SLAMF9: variants seen among roughly 807,000 people sequenced by gnomAD.
SLAMF9 encodes the protein CD2 family member 10.
In SLAMF9, 25 loss-of-function variants were observed where a neutral mutation model predicts 30.4. The ratio of observed to expected loss-of-function variants is 0.82; its 90% CI spans 0.60 to 1.15. The LOEUF (loss-of-function observed/expected upper bound fraction) is 1.15. Among genes scored for constraint, SLAMF9 ranks in the 50% most tolerant of loss-of-function variants. The pLI, the probability that SLAMF9 is intolerant of heterozygous loss-of-function variation, is 0.00. For missense variants in SLAMF9, 344 were observed against 346.1 expected, an observed-to-expected ratio of 0.99 and a Z score of 0.05; for synonymous variants, 129 against 127.2, an observed-to-expected ratio of 1.01 and a Z score of -0.09.
chr1:159,955,573 T>C (rs188227393), upstream of SLAMF9, among the ~76,000 whole-genome samples: 7 of 152,346 alleles, frequency 4.6e-5, no homozygotes, highest in African/African-American at 9.6e-5. Flanking sequence ...GCTTCTATGG[T>C]CCATACACTG....
the SLAMF9 span, among the ~76,000 whole-genome samples, chr1:159,969,149 C>A: frequency 3.3e-5 from 5 of 152,044 alleles, no homozygotes; most frequent in Admixed American, 2.0e-4. Context: ...CAAGGAGCAA[C>A]CACTCCAACA....
At chr1:159,964,532 T>A in the SLAMF9 span, among the ~76,000 whole-genome samples, 4 of 152,104 alleles carry the variant, frequency 2.6e-5, no homozygotes, top group Admixed American at 2.6e-4. Context: ...AATGGTGTGC[T>A]CTCGCTAAAA....
the SLAMF9 span, chr1:159,973,187 G>C: frequency 1.3e-6 from 2 of 1,502,204 alleles, no homozygotes; most frequent in Admixed American, 1.7e-5. Context: ...CTGACCTCAG[G>C]GGGTGCAGCT....
chr1:159,963,168 C>T, the SLAMF9 span, among the ~76,000 whole-genome samples: 10 of 152,110 alleles, frequency 6.6e-5, no homozygotes, highest in African/African-American at 2.2e-4. Flanking sequence ...AGAAAGCATT[C>T]GGCATGGAGT....
chr1:159,967,626 AT>A, the SLAMF9 span, among the ~76,000 whole-genome samples: 1 of 152,030 alleles, frequency 6.6e-6, no homozygotes, highest in South Asian at 2.1e-4. Flanking sequence ...TTGTTTTTCT[AT>A]TTCGCGAAGA....
At chr1:159,970,072 A>G in the SLAMF9 span, among the ~76,000 whole-genome samples, 1 of 152,178 alleles carries the variant, frequency 6.6e-6, no homozygotes, top group African/African-American at 2.4e-5. Flanking sequence ...AAATAAATAA[A>G]TAGATAAATA....
chr1:159,976,912 A>AACAG, the SLAMF9 span: 873 of 59,442 alleles, frequency 0.015, 21 homozygotes, highest in African/African-American at 0.05. Flanking sequence ...AGGAAAGAAA[A>AACAG]AAAGAAAGAA....
At chr1:159,969,436 C>T in the SLAMF9 span, among the ~76,000 whole-genome samples, 1 of 152,130 alleles carries the variant, frequency 6.6e-6, no homozygotes, top group African/African-American at 2.4e-5. Context: ...ACAAGAAACT[C>T]AATATGATAA....
At chr1:159,957,002 G>T (rs1238977207), upstream of SLAMF9, among the ~76,000 whole-genome samples, 1 of 151,524 alleles carries the variant, frequency 6.6e-6, no homozygotes, top group Non-Finnish European at 1.5e-5. Flanking sequence ...GGTGCCTGTA[G>T]TCTCAGCTAC....
At chr1:159,973,122 C>T in the SLAMF9 span, 7 of 1,533,228 alleles carry the variant, frequency 4.6e-6, no homozygotes, top group Non-Finnish European at 6.3e-6. Flanking sequence ...TGGGTGGGGG[C>T]CCCTGTCCTG....
chr1:159,976,210 A>G, the SLAMF9 span, among the ~76,000 whole-genome samples: 4 of 152,162 alleles, frequency 2.6e-5, no homozygotes, highest in East Asian at 1.9e-4. Context: ...AAAAACAACT[A>G]AGATGGTTAT....
upstream of SLAMF9, among the ~76,000 whole-genome samples, chr1:159,957,874 T>C (rs1651960973): frequency 5.8e-5 from 2 of 34,658 alleles, no homozygotes; most frequent in South Asian, 2.5e-3. Flanking sequence ...AGGGTGAGAA[T>C]ACCGTTAGAT....
At chr1:159,964,198 G>A in the SLAMF9 span, among the ~76,000 whole-genome samples, 1 of 152,208 alleles carries the variant, frequency 6.6e-6, no homozygotes, top group Non-Finnish European at 1.5e-5. Context: ...GCTAAAGTTT[G>A]GGAATCACTA....
upstream of SLAMF9, among the ~76,000 whole-genome samples, chr1:159,957,441 T>C (rs1651948071): frequency 2.0e-5 from 3 of 151,986 alleles, no homozygotes; most frequent in African/African-American, 2.4e-5. Context: ...CTGGCCAACA[T>C]GGTGAAATCC....
At chr1:159,971,727 G>A in the SLAMF9 span, among the ~76,000 whole-genome samples, 18 of 152,140 alleles carry the variant, frequency 1.2e-4, no homozygotes, top group East Asian at 5.8e-4. Context: ...AGGTTAGGAC[G>A]TGCAGTAGAA....
upstream of SLAMF9, among the ~76,000 whole-genome samples, chr1:159,956,966 A>G (rs1325364205): frequency 6.6e-6 from 1 of 151,770 alleles, no homozygotes; most frequent in Non-Finnish European, 1.5e-5. Context: ...AAAAAACACA[A>G]AAAAGCTTAG....
the SLAMF9 span, chr1:159,973,994 T>A: frequency 1.2e-6 from 2 of 1,608,810 alleles, no homozygotes; most frequent in Non-Finnish European, 1.7e-6. Flanking sequence ...TATTCTTCCA[T>A]CCCTGACATC....
the SLAMF9 span, among the ~76,000 whole-genome samples, chr1:159,971,293 G>C: frequency 1.0e-3 from 159 of 152,270 alleles, no homozygotes; most frequent in Non-Finnish European, 5.9e-5. Flanking sequence ...CCACAGCGGA[G>C]GGCAAAGGCC....
At chr1:159,965,090 T>A in the SLAMF9 span, among the ~76,000 whole-genome samples, 1 of 152,250 alleles carries the variant, frequency 6.6e-6, no homozygotes, top group East Asian at 1.9e-4. Context: ...TAGCCATTCA[T>A]CCTACAATTA....
Sources: allele counts gnomAD v4.1 joint callset (sites outside exome capture counted in the v4.1 genomes callset), GRCh38; gene constraint gnomAD v4.1.1; transcripts MANE v1.5; gene names NCBI Gene and HGNC (gene_info 2026-07-23, HGNC 2026-07-21).